The following RRM1 variants were observed in gnomAD, a reference collection of about 807,000 sequenced individuals.
RRM1 encodes the protein ribonucleotide reductase catalytic subunit M1.
In RRM1, 19 loss-of-function variants were observed where a neutral mutation model predicts 101.5. That is an observed-to-expected ratio of 0.19 (90% CI 0.13 to 0.27). RRM1 has a LOEUF of 0.27. Among genes scored for constraint, RRM1 ranks in the 10% least tolerant of loss-of-function variants. RRM1 has a pLI of 1.00. For synonymous variants in RRM1, 298 were observed against 323.4 expected (o/e 0.92, Z 0.84); for missense variants, 500 against 962.9 (o/e 0.52, Z 6.36).
chr11:4,127,984 A>T (rs2284450), intron 14 of RRM1, among the ~76,000 whole-genome samples: 41,390 of 151,860 alleles, frequency 0.27, 6,907 homozygotes, highest in South Asian at 0.46. Context: ...TTCTCTTCCA[A>T]GCTTACCTGG....
At chr11:4,122,475 G>A (rs1012071580) in intron 11 of RRM1, among the ~76,000 whole-genome samples, 3 of 152,168 alleles carry the variant, frequency 2.0e-5, no homozygotes, top group African/African-American at 7.2e-5. Flanking sequence ...AAGATGACTA[G>A]TAGGGTTATT....
At position 4,138,359 on chromosome 11, in the gene RRM1, T is replaced by G. The variant is rs765675047; in HGVS notation, c.2355T>G (p.Asp785Glu). 3.7e-6 allele frequency: 6 copies of G among 1,607,964 alleles called. No individual in the cohort carries two copies. The highest frequency in any genetic ancestry group is 4.2e-6 in the Non-Finnish European group (5 of 1,177,508). ...TGGTGTGCTCTTTGGAGAATAGAGA[T>G]GAATGTCTGATGTGTGGATCCTGAG... ...AAMVCSLENR[D>E]ECLMCGS Residue 785 changes from aspartate to glutamate, a missense_variant, in exon 19 of 19, where the codon GAT becomes GAG. By Grantham distance (45) the Asp-to-Glu change is conservative. Coordinates refer to ENST00000300738, the MANE Select transcript of RRM1 (RefSeq NM_001033.5).
At chr11:4,134,678 T>C (rs2094606044) in intron 17 of RRM1, among the ~76,000 whole-genome samples, 2 of 152,218 alleles carry the variant, frequency 1.3e-5, no homozygotes, top group African/African-American at 4.8e-5. Flanking sequence ...TTGCTTCCCT[T>C]GGTCCCTGTG....
chr11:4,133,524 T>A, intron 16 of RRM1, 39 bp from the exon 17 acceptor site: 1 of 1,284,358 alleles, frequency 7.8e-7, no homozygotes, highest in Non-Finnish European at 1.1e-6. Flanking sequence ...GCAGTCACTG[T>A]TATTTATTTC....
At chr11:4,134,919 T>C (rs930762891) in intron 17 of RRM1, among the ~76,000 whole-genome samples, 163 bp from the exon 18 acceptor site, 2 of 152,236 alleles carry the variant, frequency 1.3e-5, no homozygotes, top group Non-Finnish European at 2.9e-5. Context: ...ACTTTCTAAA[T>C]AGTCTTGGTA....
chr11:4,130,086 A>ATATTTT (rs1202870487), intron 15 of RRM1, among the ~76,000 whole-genome samples: 13 of 99,484 alleles, frequency 1.3e-4, no homozygotes, highest in African/African-American at 5.9e-4. Flanking sequence ...ATATATATAT[A>ATATTTT]TTTTTTTTTT....
At chr11:4,133,236 G>A (rs551313562) in intron 16 of RRM1, among the ~76,000 whole-genome samples, 1 of 152,054 alleles carries the variant, frequency 6.6e-6, no homozygotes, top group African/African-American at 2.4e-5. Flanking sequence ...GAGTGCAGTG[G>A]CATGATCTTG....
Position 4,132,252 on chromosome 11 carries a change from T to G in RRM1, c.1770-34T>G. 1 of 1,612,304 alleles carries G rather than the reference T, an allele frequency of 6.2e-7. No individual in the cohort carries two copies. The highest frequency in any genetic ancestry group is 8.5e-7 in the Non-Finnish European group (1 of 1,178,664). ...CTGCTTTCCTGGCAGATTGTAGCTT[T>G]GGGACTAGTACCTGATAATCTCCTT... On this transcript the variant is annotated intron_variant, in intron 15 of 18. Transcript: ENST00000300738. The surrounding 1 kb of genome is among the most constrained non-coding windows in gnomAD (Gnocchi z 4.1).
At chr11:4,122,058 C>T in intron 10 of RRM1, 83 bp from the exon 11 acceptor site, 1 of 1,075,566 alleles carries the variant, frequency 9.3e-7, no homozygotes, top group South Asian at 1.5e-5. Flanking sequence ...TTGTAAAAGT[C>T]ACCTTATGCT....
At chr11:4,107,729 G>A (rs1226916378) in intron 4 of RRM1, among the ~76,000 whole-genome samples, 194 bp downstream of exon 4, 1 of 151,956 alleles carries the variant, frequency 6.6e-6, no homozygotes, top group East Asian at 1.9e-4. Flanking sequence ...TTGTACATAC[G>A]TGTGTGCATA....
intron 12 of RRM1, among the ~76,000 whole-genome samples, chr11:4,124,343 C>A (rs1164320384): frequency 6.6e-6 from 1 of 151,116 alleles, no homozygotes; most frequent in Admixed American, 6.6e-5. Flanking sequence ...ACTATGGAAA[C>A]GAGGAAGGAG....
At chr11:4,121,528 A>C in intron 9 of RRM1, 76 bp from the exon 10 acceptor site, 4 of 1,130,752 alleles carry the variant, frequency 3.5e-6, no homozygotes, top group Non-Finnish European at 3.7e-6. Context: ...GAGATACTAT[A>C]AAAGTGCTTT....
intron 11 of RRM1, 122 bp from the exon 12 acceptor site, chr11:4,123,061 T>C: frequency 1.2e-6 from 1 of 800,644 alleles, no homozygotes; most frequent in Non-Finnish European, 1.9e-6. Flanking sequence ...CCTTTTTTTC[T>C]TTAGCAAAAC....
chr11:4,110,220 T>G lies in RRM1; in HGVS notation c.447+517T>G, dbSNP rs376361766. 3.8e-3 allele frequency among the ~76,000 whole-genome samples: 572 copies of G among 152,230 alleles called. 1 individual carries two copies. Among genetic ancestry groups the G allele is most frequent in the African/African-American group, 0.013 (546 of 41,562 alleles). On this transcript the variant is annotated intron_variant, in intron 5 of 18. Coordinates refer to ENST00000300738, the MANE Select transcript of RRM1 (RefSeq NM_001033.5). ...TAGGCTGGAGTGCAGTGGCGCGATC[T>G]TGGCTCACTTCAACCTCTGTCTCCT...
intron 18 of RRM1, 39 bp from the exon 19 acceptor site, chr11:4,138,156 C>T: frequency 8.3e-7 from 1 of 1,209,384 alleles, no homozygotes; most frequent in Non-Finnish European, 1.2e-6. Flanking sequence ...AGTATTCTCA[C>T]AGAGTTTCTC....
intron 15 of RRM1, among the ~76,000 whole-genome samples, chr11:4,130,090 T>A (rs71457991): frequency 0.53 from 29,863 of 56,472 alleles, 6,610 homozygotes; most frequent in Non-Finnish European, 0.6. Context: ...ATATATATTT[T>A]TTTTTTTTTT....
chr11:4,097,737 G>A (rs1398678175), intron 1 of RRM1, among the ~76,000 whole-genome samples: 1 of 152,114 alleles, frequency 6.6e-6, no homozygotes, highest in African/African-American at 2.4e-5. Flanking sequence ...GACTACAGAT[G>A]TGTGCCACCA....
intron 7 of RRM1, 82 bp from the exon 8 acceptor site, chr11:4,118,238 T>C (rs2094576642): frequency 7.9e-7 from 1 of 1,270,632 alleles, no homozygotes; most frequent in Non-Finnish European, 1.1e-6. Context: ...TTTTTTTGCC[T>C]TAGTGTCTTT....
chr11:4,134,139 C>T (rs895167833), intron 17 of RRM1, among the ~76,000 whole-genome samples: 1 of 151,944 alleles, frequency 6.6e-6, no homozygotes, highest in Non-Finnish European at 1.5e-5. Context: ...CCTGCCACCA[C>T]GCCCGGCTGT....
Sources: allele counts gnomAD v4.1 joint callset (sites outside exome capture counted in the v4.1 genomes callset), GRCh38; gene constraint gnomAD v4.1.1; non-coding constraint Gnocchi (gnomAD v3.1); transcripts MANE v1.5; gene names NCBI Gene and HGNC (gene_info 2026-07-23, HGNC 2026-07-21).